Variants in DCC observed in about 807,000 individuals in gnomAD.
The protein encoded by DCC is DCC netrin 1 receptor.
DCC carries 58 observed loss-of-function variants against 172.5 expected under a neutral mutation model. That is an observed-to-expected ratio of 0.34 (90% confidence interval 0.27 to 0.42). The LOEUF is 0.42. Among genes scored for constraint, DCC ranks in the 10% least tolerant of loss-of-function variants. The pLI is 1.00. For missense variants in DCC, 1,740 were observed against 1,791.0 expected (o/e 0.97, Z 0.51); for synonymous variants, 709 against 644.5 (o/e 1.10, Z -1.52).
At chr18:52,528,896 C>T (rs978056618) in intron 1 of DCC, among the ~76,000 whole-genome samples, 4 of 152,126 alleles carry the variant, frequency 2.6e-5, no homozygotes, top group Non-Finnish European at 2.9e-5. Context: ...CACCAGTTAT[C>T]ATATAGATTT....
intron 21 of DCC, among the ~76,000 whole-genome samples, chr18:53,433,294 T>C (rs1480843908): frequency 6.6e-6 from 1 of 152,206 alleles, no homozygotes; most frequent in Non-Finnish European, 1.5e-5. Context: ...TATGTGTATG[T>C]AATATATGAA....
chr18:52,572,379 C>T (rs1007076490), intron 1 of DCC, among the ~76,000 whole-genome samples: 7 of 152,104 alleles, frequency 4.6e-5, no homozygotes, highest in Admixed American at 3.9e-4. Flanking sequence ...CTCTGTTTTT[C>T]CAACCCTGCC....
chr18:53,064,746 T>G (rs1043563961), intron 6 of DCC, among the ~76,000 whole-genome samples: 1 of 152,158 alleles, frequency 6.6e-6, no homozygotes, highest in Non-Finnish European at 1.5e-5. Flanking sequence ...TTTTAACTTT[T>G]AAATGCCACA....
At chr18:52,562,883 G>T (rs1215072152) in intron 1 of DCC, among the ~76,000 whole-genome samples, 1 of 152,016 alleles carries the variant, frequency 6.6e-6, no homozygotes, top group East Asian at 1.9e-4. Context: ...TTCTGCCTCA[G>T]CCCCCTAAAG....
intron 2 of DCC, among the ~76,000 whole-genome samples, chr18:52,869,655 G>A (rs901435501): frequency 3.9e-5 from 6 of 152,336 alleles, no homozygotes; most frequent in African/African-American, 9.6e-5. Context: ...GGCCAGCACC[G>A]AGCTGCCCTC....
At chr18:52,385,633 G>T (rs1031126937) in intron 1 of DCC, among the ~76,000 whole-genome samples, 1 of 151,318 alleles carries the variant, frequency 6.6e-6, no homozygotes, top group African/African-American at 2.4e-5. Flanking sequence ...AATTGATAGT[G>T]GTAGTAGTGT....
chr18:52,966,207 G>T (rs886960337), intron 5 of DCC, among the ~76,000 whole-genome samples: 3 of 152,114 alleles, frequency 2.0e-5, no homozygotes. Context: ...TGAGCAGGGG[G>T]TTATGGCATG....
At chr18:52,500,417 T>C (rs898549624) in intron 1 of DCC, among the ~76,000 whole-genome samples, 2 of 152,202 alleles carry the variant, frequency 1.3e-5, no homozygotes, top group Non-Finnish European at 2.9e-5. Context: ...TCTGGACTTA[T>C]CATGTGTGGA....
At chr18:53,486,695 G>A in intron 25 of DCC, 102 bp from the exon 26 acceptor site, 4 of 1,479,878 alleles carry the variant, frequency 2.7e-6, no homozygotes, top group Non-Finnish European at 3.8e-6. Context: ...ACTATGAAGA[G>A]TGTGTATAGA....
intron 15 of DCC, among the ~76,000 whole-genome samples, chr18:53,350,075 G>GA (rs1213855597): frequency 9.2e-5 from 14 of 151,470 alleles, no homozygotes; most frequent in East Asian, 7.8e-4. Flanking sequence ...ATGAGAATCA[G>GA]AAAAAAAACA....
intron 5 of DCC, among the ~76,000 whole-genome samples, chr18:52,971,738 T>G (rs1212372547): frequency 6.6e-6 from 1 of 152,166 alleles, no homozygotes; most frequent in Non-Finnish European, 1.5e-5. Flanking sequence ...GATCACATTA[T>G]TGGATCTCAC....
At chr18:52,355,972 A>G (rs1365299767) in intron 1 of DCC, among the ~76,000 whole-genome samples, 2 of 152,110 alleles carry the variant, frequency 1.3e-5, no homozygotes, top group Non-Finnish European at 2.9e-5. Flanking sequence ...AAGAAAAAAA[A>G]TGATGGTGAT....
chr18:53,112,784 G>A (rs963047861), intron 7 of DCC, among the ~76,000 whole-genome samples: 6 of 151,480 alleles, frequency 4.0e-5, no homozygotes, highest in African/African-American at 1.5e-4. Context: ...TCACTGGGCA[G>A]TGAAACATAA....
At chr18:52,401,032 C>T (rs1475026109) in intron 1 of DCC, among the ~76,000 whole-genome samples, 1 of 151,470 alleles carries the variant, frequency 6.6e-6, no homozygotes, top group Non-Finnish European at 1.5e-5. Context: ...CCATAGCATA[C>T]TGTGTAACTG....
At chr18:53,486,677 T>C in intron 25 of DCC, 120 bp from the exon 26 acceptor site, 2 of 1,331,738 alleles carry the variant, frequency 1.5e-6, no homozygotes, top group Non-Finnish European at 2.1e-6. Flanking sequence ...TAAGGGAACC[T>C]AGTTGATACT....
chr18:53,526,940 G>A, intron 28 of DCC, 181 bp downstream of exon 28: 3 of 646,144 alleles, frequency 4.6e-6, no homozygotes, highest in South Asian at 1.8e-5. Flanking sequence ...TAAAAGCTAT[G>A]AAAAAAAATT....
At chr18:53,489,609 C>CT (rs2045938702) in intron 26 of DCC, among the ~76,000 whole-genome samples, 2 of 152,230 alleles carry the variant, frequency 1.3e-5, no homozygotes, top group South Asian at 4.1e-4. Context: ...GGTGGAAACT[C>CT]TTTTTCCTCC....
chr18:52,617,732 T>C (rs1156438816), intron 1 of DCC, among the ~76,000 whole-genome samples: 1 of 152,140 alleles, frequency 6.6e-6, no homozygotes, highest in Non-Finnish European at 1.5e-5. Context: ...CTGAAAAATA[T>C]GAGTAAAATG....
chr18:52,924,359 A>C (rs1419215075), intron 4 of DCC, among the ~76,000 whole-genome samples: 1 of 152,140 alleles, frequency 6.6e-6, no homozygotes, highest in Admixed American at 6.6e-5. Context: ...AAGGGGAAAA[A>C]TGAAACTAAA....
Sources: allele counts gnomAD v4.1 joint callset (sites outside exome capture counted in the v4.1 genomes callset), GRCh38; gene constraint gnomAD v4.1.1; transcripts MANE v1.5; gene names NCBI Gene and HGNC (gene_info 2026-07-23, HGNC 2026-07-21).